The following GBE1 variants were observed in gnomAD, a reference collection of about 807,000 sequenced individuals.
GBE1 encodes the protein 1,4-alpha-glucan branching enzyme 1.
In GBE1, 70 loss-of-function variants were observed where a neutral mutation model predicts 88.8. That is an observed-to-expected ratio of 0.79 (90% CI 0.65 to 0.96). The LOEUF (loss-of-function observed/expected upper bound fraction) is 0.96, where lower values mean the gene tolerates loss of function less well. Among genes scored for constraint, GBE1 ranks in the 40% least tolerant of loss-of-function variants. The pLI is 0.00. For missense variants in GBE1, 872 were observed against 871.0 expected (o/e 1.00, Z -0.01); for synonymous variants, 284 against 300.1 (o/e 0.95, Z 0.56).
chr3:81,563,737 A>G (rs1286314956), intron 12 of GBE1, among the ~76,000 whole-genome samples: 1 of 152,080 alleles, frequency 6.6e-6, no homozygotes, highest in Non-Finnish European at 1.5e-5. Flanking sequence ...AGGCTTGATA[A>G]AAGTTTATAT....
intron 1 of GBE1, among the ~76,000 whole-genome samples, chr3:81,728,823 G>C (rs984995967): frequency 6.6e-6 from 1 of 151,972 alleles, no homozygotes; most frequent in African/African-American, 2.4e-5. Context: ...TAACAGAAAA[G>C]CTAATTAAAT....
At chr3:81,531,800 T>G (rs894013293) in intron 14 of GBE1, among the ~76,000 whole-genome samples, 5 of 152,080 alleles carry the variant, frequency 3.3e-5, no homozygotes, top group African/African-American at 1.2e-4. Context: ...GCTTAGGAAC[T>G]GCAGTCCTTG....
intron 1 of GBE1, among the ~76,000 whole-genome samples, chr3:81,750,647 A>ATATATATATATACGTATATATATATATG (rs1706509392): frequency 2.1e-5 from 1 of 48,358 alleles, no homozygotes; most frequent in Non-Finnish European, 3.3e-5. Context: ...ATATATATGT[A>ATATATATATATACGTATATATATATATG]TATATATATA....
intron 12 of GBE1, among the ~76,000 whole-genome samples, chr3:81,556,028 T>G (rs7613144): frequency 4.0e-5 from 6 of 151,846 alleles, no homozygotes; most frequent in Non-Finnish European, 1.5e-5. Flanking sequence ...TAGGAAGGAC[T>G]TTTCAGTTGT....
intron 7 of GBE1, 30 bp from the exon 8 acceptor site, chr3:81,594,053 C>A: frequency 9.2e-7 from 1 of 1,084,528 alleles, no homozygotes; most frequent in Non-Finnish European, 1.4e-6. Context: ...TGTATTTAAG[C>A]AAAATGTGAA....
intron 1 of GBE1, among the ~76,000 whole-genome samples, chr3:81,717,955 T>TTTCA (rs367944603): frequency 2.7e-5 from 4 of 147,068 alleles, no homozygotes; most frequent in Admixed American, 2.7e-4. Context: ...GGAAATTTTA[T>TTTCA]TTTATTTATT....
chr3:81,761,595 G>T lies in GBE1; in HGVS notation c.-78C>A. On this transcript the variant is annotated 5_prime_UTR_variant, in exon 1 of 16. Transcript: ENST00000429644. ...CGGGCGCTGGAGCTCTAGCTGGGAC[G>T]CGGCGGCTAGGGCGGAGCCGGAGGG... 1 of 1,505,362 alleles carries T rather than the reference G, an allele frequency of 6.6e-7. No individual in the cohort carries two copies. The allele number at this position is 1,505,362 out of a possible 1,614,324, so 93.3% of individuals were successfully genotyped here. A position where few individuals can be genotyped will look rare whatever the true frequency, so the allele number is the denominator to read the frequency against.
rs1179851993 is a variant in GBE1, at chr3:81,610,082, G to C, written c.993-16059C>G. On this transcript the variant is annotated intron_variant, in intron 7 of 15. Coordinates refer to ENST00000429644, the MANE Select transcript of GBE1 (RefSeq NM_000158.4). ...AATGGATTACACAAAAATTAGTATT[G>C]CTCTGAAGTATAAAGTCTTCTCCAA... Among the ~76,000 whole-genome samples, 3 of 152,148 alleles carry C rather than the reference G, an allele frequency of 2.0e-5. No homozygotes were observed. In the South Asian group the frequency reaches 6.2e-4, roughly 32 times the overall value.
intron 15 of GBE1, among the ~76,000 whole-genome samples, chr3:81,491,014 C>T (rs1185561557): frequency 3.9e-5 from 6 of 152,150 alleles, no homozygotes; most frequent in African/African-American, 1.2e-4. Flanking sequence ...ACTCGCTCCT[C>T]CCTGCCTACA....
intron 14 of GBE1, chr3:81,534,896 G>C (rs1002945281): frequency 1.5e-5 from 4 of 261,900 alleles, no homozygotes; most frequent in Non-Finnish European, 2.1e-5. Flanking sequence ...GGGACCTGGA[G>C]AGCAGGGCTC....
rs796590051 is a variant in GBE1 at position 81,657,154 on chromosome 3, C to A, written c.430-7233G>T. Among the ~76,000 whole-genome samples the A allele has an allele frequency of 9.3e-3, 1,247 of 134,044 alleles. 11 individuals carry two copies. Among genetic ancestry groups the A allele is most frequent in the African/African-American group, 0.02 (706 of 35,496 alleles). 87.9% of individuals were successfully genotyped at this position (134,044 alleles called of 152,430 possible). A position where few individuals can be genotyped will look rare whatever the true frequency, so the allele number is the denominator to read the frequency against. On this transcript the variant is annotated intron_variant, in intron 3 of 15. Transcript: ENST00000429644. Reference sequence around the variant, plus strand: ...CGTCTCAAAAAAAAAAAAAACAAAACAAAAAAAAACAATAAATTTGTAATA... The same window carrying A: ...CGTCTCAAAAAAAAAAAAAACAAAAAAAAAAAAAACAATAAATTTGTAATA...
rs1329289594 is a variant in GBE1 at position 81,646,481 on chromosome 3, T to A, written c.693A>T (p.Gly231=). ...CNVLPRIKGL[G]YNCIQLMAIM... The stretch of plus-strand genomic sequence containing the variant: ...TTGCCATCAACTGAATGCAGTTGTA[T>A]CCTATATAAGGCAATGGTCAAATCT... The change falls in exon 6 of 16, where the codon GGA becomes GGT. Residue 231 remains glycine, a splice_region_variant and synonymous_variant. Transcript: ENST00000429644. The A allele has an allele frequency of 1.9e-6, 3 of 1,561,798 alleles. No homozygotes were observed. The highest frequency in any genetic ancestry group is 2.6e-6 in the Non-Finnish European group (3 of 1,141,720).
At chr3:81,492,893 A>G (rs1559622835) in intron 15 of GBE1, among the ~76,000 whole-genome samples, 1 of 151,962 alleles carries the variant, frequency 6.6e-6, no homozygotes. Context: ...ATGCAACACC[A>G]CACTCAGCTA....
chr3:81,737,365 ATTT>A (rs1706276819), intron 1 of GBE1, among the ~76,000 whole-genome samples: 1 of 35,054 alleles, frequency 2.9e-5, no homozygotes, highest in African/African-American at 1.4e-4. Flanking sequence ...ATATTTATAT[ATTT>A]ATATATATTT....
At chr3:81,552,766 G>T (rs1703289916) in intron 12 of GBE1, among the ~76,000 whole-genome samples, 1 of 151,992 alleles carries the variant, frequency 6.6e-6, no homozygotes, top group Non-Finnish European at 1.5e-5. Context: ...AATGGAAGAT[G>T]ATTTTAAATA....
chr3:81,743,613 C>G (rs751312099), intron 1 of GBE1: 1 of 1,534,358 alleles, frequency 6.5e-7, no homozygotes, highest in Non-Finnish European at 8.7e-7. Context: ...TAATCTGGGC[C>G]GAATCCAAGT....
intron 3 of GBE1, among the ~76,000 whole-genome samples, chr3:81,663,156 G>A (rs1705053400): frequency 6.6e-6 from 1 of 152,122 alleles, no homozygotes; most frequent in South Asian, 2.1e-4. Context: ...CCCTGGCTAG[G>A]GCTCCACTCT....
intron 7 of GBE1, among the ~76,000 whole-genome samples, chr3:81,621,179 G>GA (rs1175860851): frequency 6.6e-6 from 1 of 152,156 alleles, no homozygotes; most frequent in Non-Finnish European, 1.5e-5. Flanking sequence ...TTGCATTTTA[G>GA]AAAGCTTACT....
At chr3:81,694,910 T>C (rs555140298) in intron 2 of GBE1, among the ~76,000 whole-genome samples, 80 of 152,220 alleles carry the variant, frequency 5.3e-4, no homozygotes, top group African/African-American at 1.8e-3. Flanking sequence ...TATAATCTCA[T>C]TTCCATGCTA....
Sources: allele counts gnomAD v4.1 joint callset (sites outside exome capture counted in the v4.1 genomes callset), GRCh38; gene constraint gnomAD v4.1.1; transcripts MANE v1.5; gene names NCBI Gene and HGNC (gene_info 2026-07-23, HGNC 2026-07-21).